Variants in SLC26A7 observed in about 807,000 individuals in gnomAD.
SLC26A7 encodes anion exchange transporter.
A neutral mutation model predicts 82.5 loss-of-function variants in SLC26A7; 59 were observed. That is an observed-to-expected ratio of 0.72 (90% CI 0.58 to 0.89). SLC26A7 has a LOEUF of 0.89. Ranked by LOEUF, SLC26A7 falls within the 40% of genes least tolerant of loss-of-function variation. SLC26A7 has a pLI of 0.00. For missense variants in SLC26A7, 820 were observed against 793.0 expected, an observed-to-expected ratio of 1.03 and a Z score of -0.41; for synonymous variants, 271 against 274.3, an observed-to-expected ratio of 0.99 and a Z score of 0.12.
intron 2 of SLC26A7, among the ~76,000 whole-genome samples, chr8:91,287,240 C>T (rs1811736584): frequency 6.6e-6 from 1 of 152,008 alleles, no homozygotes; most frequent in Admixed American, 6.6e-5. Flanking sequence ...TTGATTATTC[C>T]CACTTTAATT....
At chr8:91,332,341 AAT>A (rs1309119852) in intron 5 of SLC26A7, among the ~76,000 whole-genome samples, 12 of 136,048 alleles carry the variant, frequency 8.8e-5, no homozygotes, top group South Asian at 2.1e-4. Context: ...TATTATATAT[AAT>A]ATATATAAAT....
At chr8:91,268,698 AC>A (rs1264163208) in intron 2 of SLC26A7, among the ~76,000 whole-genome samples, 2 of 151,686 alleles carry the variant, frequency 1.3e-5, no homozygotes, top group African/African-American at 4.8e-5. Flanking sequence ...AGGATTTACT[AC>A]TGTCATTTTG....
intron 16 of SLC26A7, among the ~76,000 whole-genome samples, chr8:91,390,051 A>T (rs908730881): frequency 6.6e-6 from 1 of 151,314 alleles, no homozygotes; most frequent in Non-Finnish European, 1.5e-5. Flanking sequence ...AGAACACCTA[A>T]TTTTGCCAAT....
Position 91,389,304 on chromosome 8 carries a change from C to T in SLC26A7, c.1676-34C>T, listed in dbSNP as rs78520992. 1,507 of 1,530,374 alleles carry T rather than the reference C, an allele frequency of 9.8e-4. 17 individuals carry two copies. The African/African-American group carries it at 0.018, about 18-fold the overall frequency. The allele number at this position is 1,530,374 out of a possible 1,614,324, so 94.8% of individuals were successfully genotyped here. On this transcript the variant is annotated intron_variant, in intron 15 of 18. Transcript: ENST00000276609. ...AGCCAGCAGCAGAAGTCTCTTAAAA[C>T]TCTCCCTAACTCAAGTCTCTGTTTC...
At chr8:91,349,569 C>A (rs76127935) in intron 9 of SLC26A7, among the ~76,000 whole-genome samples, 4,455 of 152,122 alleles carry the variant, frequency 0.029, 215 homozygotes, top group African/African-American at 0.1. Context: ...ATATATTTGG[C>A]GTTTTTGGAT....
intron 5 of SLC26A7, 128 bp from the exon 6 acceptor site, chr8:91,334,167 T>C: frequency 4.7e-6 from 4 of 853,714 alleles, no homozygotes; most frequent in Non-Finnish European, 7.1e-6. Context: ...CGCCTACCTA[T>C]ATCTTTCCTC....
chr8:91,268,904 C>G (rs1293835455), intron 2 of SLC26A7, among the ~76,000 whole-genome samples: 1 of 150,342 alleles, frequency 6.7e-6, no homozygotes, highest in African/African-American at 2.4e-5. Flanking sequence ...TTATAACAGG[C>G]TATTTTAAAC....
intron 5 of SLC26A7, among the ~76,000 whole-genome samples, chr8:91,322,569 G>A (rs1812822058): frequency 2.0e-5 from 3 of 152,128 alleles, no homozygotes; most frequent in Admixed American, 2.0e-4. Context: ...CAGAAAGGAT[G>A]TTTTCCCCCA....
chr8:91,320,089 G>A (rs1365393667), intron 5 of SLC26A7, among the ~76,000 whole-genome samples: 5 of 151,924 alleles, frequency 3.3e-5, no homozygotes, highest in African/African-American at 1.2e-4. Flanking sequence ...TTCTTGGGAC[G>A]AGTCTCACTT....
chr8:91,390,209 T>C (rs57212865), intron 16 of SLC26A7, among the ~76,000 whole-genome samples: 25,910 of 150,592 alleles, frequency 0.17, 2,968 homozygotes, highest in African/African-American at 0.33. Flanking sequence ...CTCTGCCTCC[T>C]GGGATCACGC....
At chr8:91,217,022 C>A (rs1028526731) in intron 1 of SLC26A7, among the ~76,000 whole-genome samples, 2 of 152,222 alleles carry the variant, frequency 1.3e-5, no homozygotes, top group South Asian at 2.1e-4. Context: ...ATTGTGAAAT[C>A]TTGCTTAATA....
At position 91,389,484 on chromosome 8, in the gene SLC26A7, A is replaced by G. The variant is rs139027187; in HGVS notation, c.1776+46A>G. On this transcript the variant is annotated intron_variant, in intron 16 of 18. Coordinates refer to ENST00000276609, the MANE Select transcript of SLC26A7 (RefSeq NM_052832.4). ...TAGAACTGTTTCTTCCCTTTTGTTC[A>G]GTAACAGGGGTTTTCACCACCTTCT... 9.5e-5 allele frequency: 133 copies of G among 1,404,170 alleles called. 2 individuals are homozygous for G. Among genetic ancestry groups the G allele is most frequent in the Middle Eastern group, 7.1e-4 (4 of 5,636 alleles). 87.0% of individuals were successfully genotyped at this position (1,404,170 alleles called of 1,614,324 possible).
At chr8:91,316,653 C>T (rs1812641588) in intron 4 of SLC26A7, among the ~76,000 whole-genome samples, 1 of 151,382 alleles carries the variant, frequency 6.6e-6, no homozygotes, top group Non-Finnish European at 1.5e-5. Context: ...ATAATGAACA[C>T]ATTAAGAAGT....
intron 2 of SLC26A7, among the ~76,000 whole-genome samples, chr8:91,243,429 G>T (rs1476209429): frequency 6.6e-6 from 1 of 152,158 alleles, no homozygotes; most frequent in Non-Finnish European, 1.5e-5. Flanking sequence ...AGAAAAGTTT[G>T]CAACCATGGT....
intron 2 of SLC26A7, among the ~76,000 whole-genome samples, chr8:91,258,078 T>C (rs1025338176): frequency 5.6e-4 from 85 of 152,080 alleles, no homozygotes; most frequent in African/African-American, 2.0e-3. Context: ...CATGATTCAA[T>C]TACCTCCACT....
chr8:91,378,929 AAAT>A (rs1328544157), intron 15 of SLC26A7, among the ~76,000 whole-genome samples: 1 of 152,116 alleles, frequency 6.6e-6, no homozygotes, highest in African/African-American at 2.4e-5. Flanking sequence ...TAAAATATAA[AAAT>A]AATACACTAT....
chr8:91,348,103 G>A (rs150499458), intron 9 of SLC26A7, among the ~76,000 whole-genome samples: 4 of 152,158 alleles, frequency 2.6e-5, no homozygotes, highest in Admixed American at 2.6e-4. Flanking sequence ...CAGCTGGCAT[G>A]TTTTTCTGCA....
intron 15 of SLC26A7, among the ~76,000 whole-genome samples, chr8:91,374,566 T>C (rs1023560307): frequency 6.6e-6 from 1 of 152,092 alleles, no homozygotes; most frequent in Non-Finnish European, 1.5e-5. Context: ...TGATTTACAC[T>C]TTTATCCCAC....
Position 91,326,698 on chromosome 8 carries a change from G to A in SLC26A7, c.643-7597G>A, listed in dbSNP as rs145159178. ...GAGCAGCATTAGATTTGGTGCTGGC[G>A]TCTTAATGGCTACTGTAACTTGTTA... On this transcript the variant is annotated intron_variant, in intron 5 of 18. Coordinates refer to ENST00000276609, the MANE Select transcript of SLC26A7 (RefSeq NM_052832.4). Among the ~76,000 whole-genome samples, 82 of 152,276 alleles carry A rather than the reference G, an allele frequency of 5.4e-4. No homozygotes were observed. The East Asian group carries it at 7.7e-3, about 14-fold the overall frequency.
Sources: gnomAD v4.1 joint callset for allele counts (sites outside exome capture counted in the v4.1 genomes callset) on GRCh38, gnomAD v4.1.1 for gene constraint, MANE v1.5 for transcripts, NCBI Gene and HGNC (gene_info 2026-07-23, HGNC 2026-07-21) for gene names.